Variants in REDIC1 observed in about 807,000 individuals in gnomAD.
REDIC1 encodes the protein HEI10 Interacting Protein 1.
the REDIC1 span, among the ~76,000 whole-genome samples, chr12:39,713,629 C>A: frequency 1.4e-5 from 2 of 146,062 alleles, no homozygotes; most frequent in South Asian, 4.3e-4. Flanking sequence ...CGCATGTATA[C>A]AGTACATATG....
chr12:39,775,698 C>T, the REDIC1 span, among the ~76,000 whole-genome samples: 3 of 152,124 alleles, frequency 2.0e-5, no homozygotes, highest in Non-Finnish European at 4.4e-5. Flanking sequence ...CAAATACTGC[C>T]AGAGAATAAG....
At chr12:39,682,542 AAAGT>A in the REDIC1 span, 1 of 1,221,768 alleles carries the variant, frequency 8.2e-7, no homozygotes, top group Non-Finnish European at 1.1e-6. Context: ...CTAAGAATTG[AAAGT>A]AAGAGTTTCT....
At chr12:39,684,865 A>G in the REDIC1 span, 23 of 1,606,694 alleles carry the variant, frequency 1.4e-5, no homozygotes, top group Non-Finnish European at 2.6e-6. Flanking sequence ...TATAATCCTT[A>G]GGGGAAATAT....
the REDIC1 span, among the ~76,000 whole-genome samples, chr12:39,814,377 A>C: frequency 3.3e-4 from 50 of 152,194 alleles, no homozygotes; most frequent in African/African-American, 1.1e-3. Context: ...CCAAATAGAG[A>C]GTAAAGAGAA....
chr12:39,887,515 A>T, the REDIC1 span, among the ~76,000 whole-genome samples: 1 of 152,212 alleles, frequency 6.6e-6, no homozygotes, highest in Non-Finnish European at 1.5e-5. Flanking sequence ...GGGGATAAAA[A>T]AGGGAAGTAG....
the REDIC1 span, chr12:39,650,239 C>T: frequency 1.6e-5 from 26 of 1,589,588 alleles, no homozygotes; most frequent in Admixed American, 7.2e-5. This position sits in a 1 kb window ranked among gnomAD's most constrained non-coding sequence, Gnocchi z 4.3. Flanking sequence ...TTTTTTTCAG[C>T]GCAGTACTGT....
the REDIC1 span, among the ~76,000 whole-genome samples, chr12:39,719,127 C>G: frequency 1.3e-5 from 2 of 152,068 alleles, no homozygotes; most frequent in African/African-American, 4.8e-5. Context: ...TATATGTAAA[C>G]TCATGCAAAT....
At chr12:39,655,713 C>T in the REDIC1 span, among the ~76,000 whole-genome samples, 3 of 152,134 alleles carry the variant, frequency 2.0e-5, no homozygotes, top group East Asian at 5.8e-4. Flanking sequence ...GGCTCTCCAA[C>T]CTTGGTAGAG....
At chr12:39,674,474 C>A in the REDIC1 span, among the ~76,000 whole-genome samples, 1 of 152,108 alleles carries the variant, frequency 6.6e-6, no homozygotes, top group South Asian at 2.1e-4. Flanking sequence ...AAAAGCACTG[C>A]AGAAACATAC....
chr12:39,667,854 T>A, the REDIC1 span, among the ~76,000 whole-genome samples: 1 of 152,208 alleles, frequency 6.6e-6, no homozygotes, highest in African/African-American at 2.4e-5. Flanking sequence ...CTTTGTTTGT[T>A]CAAAGTCTGT....
At chr12:39,715,299 C>G in the REDIC1 span, among the ~76,000 whole-genome samples, 1 of 151,924 alleles carries the variant, frequency 6.6e-6, no homozygotes, top group Admixed American at 6.6e-5. Context: ...ATTAGCCCAG[C>G]ACCATTTGTT....
At chr12:39,669,255 T>C in the REDIC1 span, among the ~76,000 whole-genome samples, 3 of 152,210 alleles carry the variant, frequency 2.0e-5, no homozygotes, top group Non-Finnish European at 4.4e-5. Context: ...TTCTGTTTGT[T>C]AGTTTTCCTT....
the REDIC1 span, chr12:39,684,406 G>A: frequency 8.3e-6 from 3 of 361,118 alleles, no homozygotes; most frequent in Non-Finnish European, 1.2e-5. Flanking sequence ...TTCTGGAAGT[G>A]ATTTCTTGTG....
At chr12:39,896,509 C>A in the REDIC1 span, among the ~76,000 whole-genome samples, 1 of 131,180 alleles carries the variant, frequency 7.6e-6, no homozygotes, top group Non-Finnish European at 1.6e-5. Flanking sequence ...TATGTATGTA[C>A]ATGTGTGTAT....
chr12:39,801,617 G>C, the REDIC1 span, among the ~76,000 whole-genome samples: 3 of 152,184 alleles, frequency 2.0e-5, no homozygotes, highest in Non-Finnish European at 4.4e-5. Context: ...CTAGTCATAG[G>C]AAAAAGAGGG....
chr12:39,897,968 G>A, the REDIC1 span, among the ~76,000 whole-genome samples: 28 of 151,974 alleles, frequency 1.8e-4, no homozygotes, highest in Admixed American at 1.1e-3. Flanking sequence ...TTTATTATAT[G>A]CTTGGCACAT....
At chr12:39,686,756 A>G in the REDIC1 span, among the ~76,000 whole-genome samples, 2 of 152,192 alleles carry the variant, frequency 1.3e-5, no homozygotes, top group Non-Finnish European at 2.9e-5. Flanking sequence ...AATTTTCCAA[A>G]CTTTTATGCT....
chr12:39,821,511 G>C, the REDIC1 span, among the ~76,000 whole-genome samples: 1 of 152,168 alleles, frequency 6.6e-6, no homozygotes, highest in Non-Finnish European at 1.5e-5. Flanking sequence ...ACAAAAGAGA[G>C]CGAATTGCAG....
the REDIC1 span, among the ~76,000 whole-genome samples, chr12:39,766,378 A>C: frequency 6.6e-6 from 1 of 152,090 alleles, no homozygotes; most frequent in East Asian, 1.9e-4. Flanking sequence ...ATTGTCTAAA[A>C]ATGTACAAAC....
Sources: gnomAD v4.1 joint callset for allele counts (sites outside exome capture counted in the v4.1 genomes callset) on GRCh38, gnomAD v4.1.1 for gene constraint, Gnocchi (gnomAD v3.1) non-coding constraint, MANE v1.5 for transcripts, NCBI Gene and HGNC (gene_info 2026-07-23, HGNC 2026-07-21) for gene names.